The following FHOD3 variants were observed in gnomAD, a reference collection of about 807,000 sequenced individuals.
FHOD3 encodes formin homology 2 domain containing 3.
FHOD3 carries 90 observed loss-of-function variants against 173.0 expected under a neutral mutation model. That is an observed-to-expected ratio of 0.52 (90% confidence interval 0.44 to 0.62). The LOEUF (loss-of-function observed/expected upper bound fraction) is 0.62, where lower values mean the gene tolerates loss of function less well. FHOD3 is among the 20% of genes least tolerant of loss of function. The pLI is 0.00. For synonymous variants in FHOD3, 828 were observed against 823.0 expected, an observed-to-expected ratio of 1.01 and a Z score of -0.10; for missense variants, 1,945 against 2,034.7, an observed-to-expected ratio of 0.96 and a Z score of 0.85.
chr18:36,648,045 G>A (rs1329095176), intron 10 of FHOD3, among the ~76,000 whole-genome samples: 2 of 152,230 alleles, frequency 1.3e-5, no homozygotes, highest in African/African-American at 4.8e-5. Flanking sequence ...CAGAGTTAAA[G>A]ATCCTGGTAG....
intron 1 of FHOD3, among the ~76,000 whole-genome samples, chr18:36,326,496 G>A (rs904547984): frequency 2.6e-5 from 4 of 152,232 alleles, no homozygotes; most frequent in Non-Finnish European, 4.4e-5. Flanking sequence ...GTCAGGCGCG[G>A]TTGCTCACGC....
intron 3 of FHOD3, among the ~76,000 whole-genome samples, chr18:36,418,632 G>A (rs1361892928): frequency 6.6e-6 from 1 of 152,060 alleles, no homozygotes; most frequent in Non-Finnish European, 1.5e-5. Flanking sequence ...GCATGTTCTT[G>A]CCAGTTGTGG....
chr18:36,370,554 A>C (rs947682942), intron 2 of FHOD3, among the ~76,000 whole-genome samples: 1 of 152,208 alleles, frequency 6.6e-6, no homozygotes, highest in Non-Finnish European at 1.5e-5. Flanking sequence ...TCAAAGTGCA[A>C]CTTTGCAGTT....
chr18:36,611,473 T>G (rs1413141767), intron 8 of FHOD3, among the ~76,000 whole-genome samples: 7 of 152,192 alleles, frequency 4.6e-5, no homozygotes, highest in Admixed American at 4.6e-4. Context: ...ATTTCCTTGC[T>G]TCTGTGAAAG....
At chr18:36,644,986 C>T (rs1489255348) in intron 10 of FHOD3, among the ~76,000 whole-genome samples, 1 of 152,042 alleles carries the variant, frequency 6.6e-6, no homozygotes, top group Non-Finnish European at 1.5e-5. Flanking sequence ...TTTGTGTGGA[C>T]CAGAAGTAAT....
intron 8 of FHOD3, 138 bp from the exon 9 acceptor site, chr18:36,611,814 A>C (rs2032708114): frequency 3.7e-6 from 3 of 819,190 alleles, no homozygotes; most frequent in Non-Finnish European, 5.5e-6. Context: ...CTTTTGCTCA[A>C]ATAAATTTGT....
intron 3 of FHOD3, among the ~76,000 whole-genome samples, chr18:36,430,688 G>T (rs1203661447): frequency 2.0e-5 from 3 of 152,156 alleles, no homozygotes; most frequent in African/African-American, 7.2e-5. Context: ...ATGAATATGG[G>T]TTAGCTAGGA....
At chr18:36,458,284 G>A (rs565372830) in intron 3 of FHOD3, among the ~76,000 whole-genome samples, 39 of 152,306 alleles carry the variant, frequency 2.6e-4, no homozygotes, top group African/African-American at 9.4e-4. Context: ...TTGAGCAGTA[G>A]AGGAAAGGAG....
chr18:36,741,965 G>A (rs1390540240), intron 21 of FHOD3, among the ~76,000 whole-genome samples: 2 of 152,090 alleles, frequency 1.3e-5, no homozygotes, highest in East Asian at 3.9e-4. Context: ...TGCTATGACT[G>A]GGTCACAAGA....
chr18:36,501,782 T>C (rs2055044436), intron 3 of FHOD3, 150 bp from the exon 4 acceptor site: 1 of 525,276 alleles, frequency 1.9e-6, no homozygotes. Context: ...ATTCTTCTTA[T>C]GGTTGGGGGT....
At chr18:36,568,169 CAA>C (rs111808600) in intron 5 of FHOD3, among the ~76,000 whole-genome samples, 2 of 49,922 alleles carry the variant, frequency 4.0e-5, no homozygotes, top group African/African-American at 1.5e-4. Flanking sequence ...ACTAAAAATA[CAA>C]AAAAAAAAAA....
At chr18:36,503,371 G>A (rs541556841) in intron 4 of FHOD3, among the ~76,000 whole-genome samples, 51 of 152,222 alleles carry the variant, frequency 3.4e-4, no homozygotes, top group African/African-American at 1.1e-3. Flanking sequence ...CTTTGTCAGC[G>A]ATAGTTGTCA....
intron 3 of FHOD3, among the ~76,000 whole-genome samples, chr18:36,474,548 G>C (rs2053452869): frequency 6.6e-6 from 1 of 152,134 alleles, no homozygotes; most frequent in Non-Finnish European, 1.5e-5. Context: ...GAGGCTTAGA[G>C]CCTGGCAGTC....
At position 36,709,287 on chromosome 18, in the gene FHOD3, G is replaced by A; in HGVS notation, c.2429G>A (p.Gly810Glu). 5 of 1,614,226 alleles carry A rather than the reference G, an allele frequency of 3.1e-6. No homozygotes were observed. Among genetic ancestry groups the A allele is most frequent in the Non-Finnish European group, 3.4e-6 (4 of 1,180,052 alleles). Reference protein sequence around the residue: ...SLSEKERQNEGVNERDNCSAS... With the variant: ...SLSEKERQNEEVNERDNCSAS... Reference sequence around the variant, plus strand: ...AGTGAAAAAGAGAGGCAGAACGAGGGGGTGAACGAGAGGGACAACTGCTCT... The same window carrying A: ...AGTGAAAAAGAGAGGCAGAACGAGGAGGTGAACGAGAGGGACAACTGCTCT... The change falls in exon 18 of 29, where the codon GGG becomes GAG. Residue 810 changes from glycine (G) to glutamate (E), a missense_variant. Around this residue, in one of 5 missense-constraint regions of FHOD3, gnomAD observed 1,099 missense variants for 1,051.2 expected, o/e 1.05. Coordinates refer to ENST00000590592, the MANE Select transcript of FHOD3 (RefSeq NM_001281740.3).
intron 3 of FHOD3, among the ~76,000 whole-genome samples, chr18:36,465,219 T>C (rs1051698679): frequency 2.4e-4 from 36 of 152,058 alleles, no homozygotes; most frequent in Non-Finnish European, 7.4e-5. Flanking sequence ...TTCCAGCTAC[T>C]CAGGAGGCTG....
At chr18:36,465,308 A>G (rs1430787796) in intron 3 of FHOD3, among the ~76,000 whole-genome samples, 4 of 152,196 alleles carry the variant, frequency 2.6e-5, no homozygotes, top group Non-Finnish European at 5.9e-5. Flanking sequence ...AGCCTGGGTG[A>G]CAGAGCAAAC....
intron 24 of FHOD3, among the ~76,000 whole-genome samples, chr18:36,750,674 G>A (rs1056199870): frequency 1.3e-5 from 2 of 152,312 alleles, no homozygotes; most frequent in South Asian, 2.1e-4. Context: ...TGTATATGGT[G>A]TAAGGAAAGT....
In FHOD3 at chr18:36,612,098, A is replaced by G. The variant is rs1201376334; in HGVS notation, c.957+3A>G. ...TGGAGCAACTCAACATTTATGAGGT[A>G]CCAGACCATGCCTTTTGTAAGGTAT... On this transcript the variant is annotated splice_donor_region_variant and intron_variant, in intron 9 of 28. Transcript: ENST00000590592. 5.0e-6 allele frequency: 8 copies of G among 1,612,796 alleles called. No individual in the cohort carries two copies. The Admixed American group carries it at 5.0e-5, about 10-fold the overall frequency.
chr18:36,626,709 C>T (rs1037090555), intron 10 of FHOD3, among the ~76,000 whole-genome samples: 1 of 152,176 alleles, frequency 6.6e-6, no homozygotes, highest in African/African-American at 2.4e-5. Flanking sequence ...CATAGAGATC[C>T]TCCTGGGAGT....
Sources: gnomAD v4.1 joint callset for allele counts (sites outside exome capture counted in the v4.1 genomes callset) on GRCh38, gnomAD v4.1.1 for gene constraint, gnomAD v4.1.1 regional missense constraint, MANE v1.5 for transcripts, NCBI Gene and HGNC (gene_info 2026-07-23, HGNC 2026-07-21) for gene names.